EPHB4: variants seen among roughly 807,000 people sequenced by gnomAD.
EPHB4 encodes ephrin type-B receptor 4.
Under a neutral mutation model 110.6 loss-of-function variants are expected in EPHB4, and 50 were observed. That is an observed-to-expected ratio of 0.45 (90% CI 0.36 to 0.57). The LOEUF (loss-of-function observed/expected upper bound fraction) is 0.57, where lower values mean the gene tolerates loss of function less well. EPHB4 is among the 20% of genes least tolerant of loss of function. The probability of loss-of-function intolerance (pLI) is 0.00; values close to 1 mark genes in which losing one functional copy is unlikely to be tolerated. For synonymous variants in EPHB4, 592 were observed against 578.4 expected (o/e 1.02, Z -0.34); for missense variants, 1,128 against 1,382.1 (o/e 0.82, Z 2.91).
At chr7:100,814,847 T>C (rs1238428093) in intron 8 of EPHB4, among the ~76,000 whole-genome samples, 1 of 151,718 alleles carries the variant, frequency 6.6e-6, no homozygotes, top group African/African-American at 2.4e-5. Flanking sequence ...AGACCCCGTC[T>C]CTATCAAAAA....
intron 5 of EPHB4, 101 bp from the exon 6 acceptor site, chr7:100,819,990 G>C: frequency 6.8e-7 from 1 of 1,472,536 alleles, no homozygotes; most frequent in Non-Finnish European, 9.1e-7. Context: ...TTGCCTTGGA[G>C]ACAGTGGGCT....
At chr7:100,815,921 T>C (rs999844301) in intron 8 of EPHB4, among the ~76,000 whole-genome samples, 1 of 151,974 alleles carries the variant, frequency 6.6e-6, no homozygotes, top group Admixed American at 6.6e-5. Flanking sequence ...TCGGGAGTTG[T>C]AGGCTGCAAT....
In EPHB4 at chr7:100,803,451, T is replaced by C; in HGVS notation, c.*10A>G. ...GAGGCGGTGTCCCTGGGGTGGGGAG[T>C]TCCTGCAGGTCAGTACTGCGGGGCC... On this transcript the variant is annotated 3_prime_UTR_variant, in exon 17 of 17. Coordinates refer to ENST00000358173, the MANE Select transcript of EPHB4 (RefSeq NM_004444.5). 1 of 1,535,732 alleles carries C rather than the reference T, an allele frequency of 6.5e-7. No individual in the cohort carries two copies. The highest frequency in any genetic ancestry group is 1.2e-5 in the South Asian group (1 of 81,554).
At chr7:100,818,739 A>C (rs536433190) in intron 6 of EPHB4, 95 bp from the exon 7 acceptor site, 1 of 1,428,060 alleles carries the variant, frequency 7.0e-7, no homozygotes, top group African/African-American at 1.4e-5. Flanking sequence ...GTCGTGCTCT[A>C]TCACCCAGGC....
intron 3 of EPHB4, 111 bp downstream of exon 3, chr7:100,823,533 C>G: frequency 2.2e-6 from 3 of 1,390,348 alleles, no homozygotes; most frequent in Non-Finnish European, 2.9e-6. Flanking sequence ...CTTCCAGCCC[C>G]CAGCGCGCGG....
chr7:100,819,426 C>T (rs1813162533), intron 6 of EPHB4, 131 bp downstream of exon 6: 15 of 1,065,296 alleles, frequency 1.4e-5, no homozygotes, highest in Non-Finnish European at 1.9e-5. Context: ...CTCTTTCTGC[C>T]TCTTGCCCCC....
Position 100,803,495 on chromosome 7 carries a change from G to C in EPHB4, c.2930C>G (p.Pro977Arg). 5 of 1,584,708 alleles carry C rather than the reference G, an allele frequency of 3.2e-6. No individual in the cohort carries two copies. The highest frequency in any genetic ancestry group is 1.3e-5 in the African/African-American group (1 of 74,782). ...CGGGGCCGGTCCTCCTGTCCCACCC[G>C]GGGTTCCCGGCTTGGCCTGGGACTT... ...HMKSQAKPGT[P>R]GGTGGPAPQY The change falls in exon 17 of 17, where the codon CCG (proline) becomes CGG (arginine). Residue 977 changes from proline to arginine, a missense_variant. By Grantham distance (103) the Pro-to-Arg change is moderately radical. Around this residue, in one of 3 missense-constraint regions of EPHB4, gnomAD observed 209 missense variants for 240.5 expected, o/e 0.87. Transcript: ENST00000358173.
chr7:100,822,686 C>A lies in EPHB4; in HGVS notation c.412-19G>T. The A allele has an allele frequency of 6.6e-7, 1 of 1,526,296 alleles. No homozygotes were observed. The allele number at this position is 1,526,296 out of a possible 1,614,324, so 94.5% of individuals were successfully genotyped here. ...TGTCCACCTGCCGGCGGGGGGGAGG[C>A]ACACCGCTGCTGTCCCCACTCCCTG... On this transcript the variant is annotated intron_variant, in intron 3 of 16. Transcript: ENST00000358173. The surrounding 1 kb of genome is among the most constrained non-coding windows in gnomAD (Gnocchi z 4.7).
In EPHB4 at chr7:100,805,664, G is replaced by A. The variant is rs140135838; in HGVS notation, c.2515C>T (p.Leu839=). Residue 839 remains leucine (L), a synonymous_variant, in exon 15 of 17, where the codon CTG becomes TTG. Transcript: ENST00000358173. The part of the protein sequence containing the change: ...VINAIEQDYR[L]PPPPDCPTSL... ...GTGGGACAGTCTGGGGGCGGGGGCAGCCGGTAGTCCTGTTCAATGGCATTG... is the reference window on the plus strand; with the variant it reads ...GTGGGACAGTCTGGGGGCGGGGGCAACCGGTAGTCCTGTTCAATGGCATTG... 9.1e-5 allele frequency: 139 copies of A among 1,534,434 alleles called. No homozygotes were observed. In the African/African-American group the frequency reaches 1.8e-3, roughly 20 times the overall value.
At chr7:100,804,361 C>G (rs964221443) in intron 16 of EPHB4, among the ~76,000 whole-genome samples, 2 of 124,990 alleles carry the variant, frequency 1.6e-5, no homozygotes, top group Non-Finnish European at 3.1e-5. Context: ...GTCATCCAGG[C>G]TGGAGTGCAG....
intron 12 of EPHB4, 94 bp downstream of exon 12, chr7:100,812,652 TG>T (rs1355698197): frequency 6.0e-6 from 9 of 1,505,460 alleles, no homozygotes; most frequent in Non-Finnish European, 8.9e-7. Flanking sequence ...GGAGGTGACC[TG>T]GGACCCACTG....
In EPHB4 at chr7:100,803,372, C is replaced by T. The variant is rs1812739594; in HGVS notation, c.*89G>A. 2.2e-6 allele frequency: 3 copies of T among 1,339,520 alleles called. No individual in the cohort carries two copies. The highest frequency in any genetic ancestry group is 4.2e-5 in the South Asian group (2 of 48,054). The allele number at this position is 1,339,520 out of a possible 1,614,324, so 83.0% of individuals were successfully genotyped here. A position where few individuals can be genotyped will look rare whatever the true frequency, so the allele number is the denominator to read the frequency against. On this transcript the variant is annotated 3_prime_UTR_variant, in exon 17 of 17. Coordinates refer to ENST00000358173, the MANE Select transcript of EPHB4 (RefSeq NM_004444.5). ...CCCACGGGCTCAAAGTGCAATCCAG[C>T]GGGGCACAGGGCTGGGGGCCTCTGT...
chr7:100,812,572 G>T (rs758199973), intron 12 of EPHB4, among the ~76,000 whole-genome samples, 175 bp downstream of exon 12: 3 of 152,186 alleles, frequency 2.0e-5, no homozygotes, highest in Non-Finnish European at 4.4e-5. Flanking sequence ...CTGGGCGACA[G>T]AGCGAGGCTC....
intron 7 of EPHB4, among the ~76,000 whole-genome samples, chr7:100,817,585 A>T (rs1813108718): frequency 6.6e-6 from 1 of 151,902 alleles, no homozygotes; most frequent in Non-Finnish European, 1.5e-5. Flanking sequence ...TGCAAACACG[A>T]CTCACTGCAG....
In EPHB4 at chr7:100,805,287, G is replaced by A; in HGVS notation, c.2713C>T (p.His905Tyr). 6.2e-7 allele frequency: 1 copy of A among 1,613,754 alleles called. No homozygotes were observed. The highest frequency in any genetic ancestry group is 8.5e-7 in the Non-Finnish European group (1 of 1,179,880). ...CCCACAGAGCCAAAAGCTGAGTAGT[G>A]AGGCTGCCGCTGGTCCAGGAGAGGG... ...SHPLLDQRQP[H>Y]YSAFGSVGEW... The change falls in exon 16 of 17, where the codon CAC (histidine) becomes TAC (tyrosine). Residue 905 changes from histidine (H) to tyrosine (Y), a missense_variant. By Grantham distance (83) the His-to-Tyr change is moderately conservative. Coordinates refer to ENST00000358173, the MANE Select transcript of EPHB4 (RefSeq NM_004444.5).
chr7:100,809,160 A>C (rs1264196196), intron 12 of EPHB4, among the ~76,000 whole-genome samples: 2 of 151,842 alleles, frequency 1.3e-5, no homozygotes, highest in African/African-American at 2.4e-5. Flanking sequence ...AGGCTGGAGT[A>C]AAGTGGCGTG....
In EPHB4 at chr7:100,823,814, G is replaced by A. The variant is rs1471974453; in HGVS notation, c.241C>T (p.Arg81Trp). 3.1e-6 allele frequency: 5 copies of A among 1,613,264 alleles called. No individual in the cohort carries two copies. The highest frequency in any genetic ancestry group is 1.3e-5 in the African/African-American group (1 of 75,066). The stretch of plus-strand genomic sequence containing the variant: ...GTGGCGTACACGTGGACGGCGCCCC[G>A]CCGTGGGACCCAACCTGTGCGAAGC... ...HWLRTGWVPR[R>W]GAVHVYATLR... Residue 81 changes from arginine to tryptophan, a missense_variant, in exon 3 of 17, where the codon CGG becomes TGG. Arg to Trp is a moderately radical substitution (Grantham distance 101, BLOSUM62 -3). Coordinates refer to ENST00000358173, the MANE Select transcript of EPHB4 (RefSeq NM_004444.5).
rs910476605 is a variant in EPHB4 at position 100,818,762 on chromosome 7, G to A, written c.1298-118C>T. 4 of 1,310,932 alleles carry A rather than the reference G, an allele frequency of 3.1e-6. No homozygotes were observed. In the African/African-American group the frequency reaches 5.9e-5, roughly 19 times the overall value. 81.2% of individuals were successfully genotyped at this position (1,310,932 alleles called of 1,614,324 possible). A position where few individuals can be genotyped will look rare whatever the true frequency, so the allele number is the denominator to read the frequency against. ...CTATCACCCAGGCTGGAGTGCAGTG[G>A]CGCAGTCTCAGCTTACTGCAACCTC... On this transcript the variant is annotated intron_variant, in intron 6 of 16. Coordinates refer to ENST00000358173, the MANE Select transcript of EPHB4 (RefSeq NM_004444.5).
chr7:100,823,386 G>C (rs1405961452), intron 3 of EPHB4, among the ~76,000 whole-genome samples: 4 of 152,122 alleles, frequency 2.6e-5, no homozygotes, highest in Non-Finnish European at 5.9e-5. Flanking sequence ...GGAGCACAGT[G>C]GGGTAGGGTG....
Sources: gnomAD v4.1 joint callset for allele counts (sites outside exome capture counted in the v4.1 genomes callset) on GRCh38, gnomAD v4.1.1 for gene constraint, gnomAD v4.1.1 regional missense constraint, Gnocchi (gnomAD v3.1) non-coding constraint, MANE v1.5 for transcripts, NCBI Gene and HGNC (gene_info 2026-07-23, HGNC 2026-07-21) for gene names.